CYFIP1: variants seen among roughly 807,000 people sequenced by gnomAD.
CYFIP1 encodes the protein cytoplasmic FMR1 interacting protein 1.
A neutral mutation model predicts 163.5 loss-of-function variants in CYFIP1; 58 were observed. That is an observed-to-expected ratio of 0.35 (90% CI 0.29 to 0.44). The LOEUF (loss-of-function observed/expected upper bound fraction) is 0.44, where lower values mean the gene tolerates loss of function less well. Ranked by LOEUF, CYFIP1 falls within the 20% of genes least tolerant of loss-of-function variation. The pLI is 1.00. For missense variants in CYFIP1, 1,338 were observed against 1,653.8 expected, an observed-to-expected ratio of 0.81 and a Z score of 3.31; for synonymous variants, 663 against 660.7, an observed-to-expected ratio of 1.00 and a Z score of -0.05.
chr15:22,969,895 C>A (rs570657231), intron 1 of CYFIP1, among the ~76,000 whole-genome samples: 2 of 152,194 alleles, frequency 1.3e-5, no homozygotes, highest in South Asian at 4.2e-4. Context: ...AACAGACCTG[C>A]GGACAAAAAT....
intron 8 of CYFIP1, among the ~76,000 whole-genome samples, chr15:22,938,324 C>T (rs756974592): frequency 4.7e-4 from 72 of 152,290 alleles, no homozygotes; most frequent in East Asian, 2.7e-3. Flanking sequence ...ACAAAGCTGG[C>T]GGGGCATGGT....
chr15:22,950,925 A>G (rs564690921), intron 1 of CYFIP1, among the ~76,000 whole-genome samples: 67 of 152,296 alleles, frequency 4.4e-4, no homozygotes, highest in Non-Finnish European at 7.8e-4. Flanking sequence ...CGTTCACATA[A>G]CTTTTATGAC....
intron 13 of CYFIP1, among the ~76,000 whole-genome samples, chr15:22,922,077 T>G (rs1446679033): frequency 2.6e-5 from 4 of 152,072 alleles, no homozygotes; most frequent in Non-Finnish European, 4.4e-5. Context: ...AGAATGAAAC[T>G]CCGCACATCC....
chr15:22,965,804 G>C (rs895783215), intron 1 of CYFIP1, among the ~76,000 whole-genome samples: 3 of 152,160 alleles, frequency 2.0e-5, no homozygotes, highest in Non-Finnish European at 4.4e-5. Flanking sequence ...AGAGCAGCAG[G>C]AGTCCATGGC....
chr15:22,918,311 G>A (rs2061063515), intron 14 of CYFIP1, among the ~76,000 whole-genome samples: 1 of 152,084 alleles, frequency 6.6e-6, no homozygotes, highest in Admixed American at 6.5e-5. Context: ...ACAGGAATGT[G>A]AAGTCACCCA....
intron 9 of CYFIP1, among the ~76,000 whole-genome samples, chr15:22,936,636 G>A (rs776840800): frequency 3.3e-5 from 5 of 152,148 alleles, no homozygotes; most frequent in Admixed American, 6.6e-5. Flanking sequence ...TGTGACCCCC[G>A]GTCCCTCTCC....
chr15:22,882,099 G>A (rs931539563), intron 24 of CYFIP1, among the ~76,000 whole-genome samples, 163 bp from the exon 25 acceptor site: 1 of 152,198 alleles, frequency 6.6e-6, no homozygotes, highest in Admixed American at 6.5e-5. Flanking sequence ...GGGAGAGAGA[G>A]CAACCATCAC....
intron 13 of CYFIP1, among the ~76,000 whole-genome samples, chr15:22,925,174 T>C (rs141505441): frequency 6.6e-6 from 1 of 152,354 alleles, no homozygotes; most frequent in East Asian, 1.9e-4. Flanking sequence ...ATCCATAGGA[T>C]TGTTCATATC....
chr15:22,953,439 C>T lies in CYFIP1; in HGVS notation c.-6-6148G>A, dbSNP rs149275294. ...ATGCGTGACTCCAGCCGCCTGCACC[C>T]TGGGATTTTTTCCGGCCCTCCTTTT... is the stretch of plus-strand genomic sequence containing the variant. On this transcript the variant is annotated intron_variant, in intron 1 of 30. Transcript: ENST00000617928. Among the ~76,000 whole-genome samples the T allele has an allele frequency of 6.0e-3, 914 of 152,302 alleles. 10 individuals are homozygous for T. The highest frequency in any genetic ancestry group is 0.021 in the African/African-American group (879 of 41,570).
intron 26 of CYFIP1, among the ~76,000 whole-genome samples, chr15:22,877,973 C>T (rs1302954794): frequency 2.0e-5 from 3 of 152,244 alleles, no homozygotes; most frequent in Non-Finnish European, 4.4e-5. Flanking sequence ...GCTCAGTCCC[C>T]AGAGGCCTGG....
At chr15:22,906,109 A>AT (rs920669287) in intron 21 of CYFIP1, among the ~76,000 whole-genome samples, 185 of 137,294 alleles carry the variant, frequency 1.3e-3, no homozygotes, top group African/African-American at 4.2e-3. Flanking sequence ...TTCTCGATTT[A>AT]TTTTTTTTTT....
At chr15:22,942,406 A>G (rs1391534242) in intron 6 of CYFIP1, among the ~76,000 whole-genome samples, 1 of 152,248 alleles carries the variant, frequency 6.6e-6, no homozygotes, top group African/African-American at 2.4e-5. Flanking sequence ...GCACAGATGA[A>G]GCAGAGCAAG....
intron 13 of CYFIP1, among the ~76,000 whole-genome samples, chr15:22,921,805 T>G: frequency 6.8e-6 from 1 of 147,396 alleles, no homozygotes; most frequent in African/African-American, 2.5e-5. Context: ...GTTACCAGCA[T>G]TAAGAATGAA....
chr15:22,878,392 C>T (rs2059645331), intron 26 of CYFIP1, among the ~76,000 whole-genome samples: 1 of 152,082 alleles, frequency 6.6e-6, no homozygotes, highest in Admixed American at 6.6e-5. Flanking sequence ...CCGGTGTGCC[C>T]ATGAAAAGCT....
chr15:22,896,014 T>C (rs1190002193), intron 22 of CYFIP1, among the ~76,000 whole-genome samples: 4 of 152,202 alleles, frequency 2.6e-5, no homozygotes, highest in Admixed American at 2.0e-4. Context: ...CAGTGAGTAC[T>C]GCGAATGTGT....
At position 22,870,192 on chromosome 15, in the gene CYFIP1, G is replaced by T; in HGVS notation, c.3598C>A (p.Pro1200Thr). The change falls in exon 31 of 31, where the codon CCT becomes ACT. Residue 1200 changes from proline (P) to threonine (T), a missense_variant and splice_region_variant. Coordinates refer to ENST00000617928, the MANE Select transcript of CYFIP1 (RefSeq NM_014608.6). ...DGKDEIIKNV[P>T]LKKMVERIRK... is the part of the protein sequence containing the mutation. ...ATTCTCTCCACCATCTTCTTCAAAG[G>T]CTACAACCATCAAAGTGAGGATGTT... 2 of 1,604,436 alleles carry T rather than the reference G, an allele frequency of 1.2e-6. No homozygotes were observed. Among genetic ancestry groups the T allele is most frequent in the Non-Finnish European group, 1.7e-6 (2 of 1,176,574 alleles).
rs3083512 is a variant in CYFIP1, at chr15:22,952,659, C to CAA, written c.-6-5370_-6-5369dup. ...GACAGAGTGAGGTGAGACTCCATCT[C>CAA]AAAAAAAAAAAAAAAAGGTAAACAT... On this transcript the variant is annotated intron_variant, in intron 1 of 30. Transcript: ENST00000617928. Among the ~76,000 whole-genome samples, 40 of 45,682 alleles carry CAA rather than the reference C, an allele frequency of 8.8e-4. 2 individuals are homozygous for CAA. The highest frequency in any genetic ancestry group is 6.7e-3 in the South Asian group (6 of 890). The allele number at this position is 45,682 out of a possible 152,430, so 30.0% of individuals were successfully genotyped here.
intron 22 of CYFIP1, among the ~76,000 whole-genome samples, chr15:22,893,190 G>A (rs1265107744): frequency 6.6e-6 from 1 of 152,168 alleles, no homozygotes; most frequent in Non-Finnish European, 1.5e-5. Flanking sequence ...AGGGGCCACA[G>A]CAGGAACACC....
chr15:22,877,556 C>T (rs990335274), intron 26 of CYFIP1, among the ~76,000 whole-genome samples: 1 of 152,134 alleles, frequency 6.6e-6, no homozygotes, highest in Non-Finnish European at 1.5e-5. Context: ...AGAGATGCTT[C>T]CTAACATCTG....
Sources: gnomAD v4.1 joint callset for allele counts (sites outside exome capture counted in the v4.1 genomes callset) on GRCh38, gnomAD v4.1.1 for gene constraint, MANE v1.5 for transcripts, NCBI Gene and HGNC (gene_info 2026-07-23, HGNC 2026-07-21) for gene names.